Variants in MRM1 observed in about 807,000 individuals in gnomAD.
MRM1 encodes the protein rRNA methyltransferase 1, mitochondrial.
MRM1 carries 24 observed loss-of-function variants against 25.0 expected under a neutral mutation model. The ratio of observed to expected loss-of-function variants is 0.96; its 90% CI spans 0.69 to 1.35. MRM1 has a LOEUF of 1.35. Ranked by LOEUF, MRM1 falls within the 40% of genes most tolerant of loss-of-function variation. MRM1 has a pLI of 0.00. For synonymous variants in MRM1, 188 were observed against 199.2 expected, an observed-to-expected ratio of 0.94 and a Z score of 0.47; for missense variants, 431 against 464.1, an observed-to-expected ratio of 0.93 and a Z score of 0.65.
the MRM1 span, among the ~76,000 whole-genome samples, chr17:36,625,658 C>T: frequency 1.6e-4 from 25 of 151,894 alleles, no homozygotes; most frequent in South Asian, 1.2e-3. Context: ...GTTGGGGTTT[C>T]GCCATGTGGG....
Position 36,602,673 on chromosome 17 carries a change from C to T in MRM1, c.636+27C>T, listed in dbSNP as rs1208120339. ...TAATGAGGGGCAAGAGGGGAAGGAA[C>T]AGATGTGAGCCCAGCTCAGCCTCTT... On this transcript the variant is annotated intron_variant, in intron 2 of 4. Coordinates refer to ENST00000614766, the MANE Select transcript of MRM1 (RefSeq NM_024864.5). The surrounding 1 kb of genome is among the most constrained non-coding windows in gnomAD (Gnocchi z 4.1). 1.9e-6 allele frequency: 3 copies of T among 1,611,196 alleles called. No individual in the cohort carries two copies. Among genetic ancestry groups the T allele is most frequent in the African/African-American group, 1.3e-5 (1 of 74,886 alleles).
chr17:36,630,763 G>A, the MRM1 span, among the ~76,000 whole-genome samples: 1 of 152,160 alleles, frequency 6.6e-6, no homozygotes, highest in South Asian at 2.1e-4. Flanking sequence ...GTTAGGAGAT[G>A]GGCAGGGAAA....
the MRM1 span, among the ~76,000 whole-genome samples, chr17:36,614,031 C>T: frequency 7.9e-5 from 12 of 151,968 alleles, no homozygotes; most frequent in Non-Finnish European, 1.2e-4. Flanking sequence ...GCACAGTGCC[C>T]GGGACACAGT....
At chr17:36,631,253 CTGTTACCACGGGACCCTGT>C in the MRM1 span, among the ~76,000 whole-genome samples, 1 of 152,246 alleles carries the variant, frequency 6.6e-6, no homozygotes, top group African/African-American at 2.4e-5. Context: ...TCTGCCCTGC[CTGTTACCACGGGACCCTGT>C]TGTTAAACCA....
the MRM1 span, among the ~76,000 whole-genome samples, chr17:36,629,157 C>T: frequency 6.6e-6 from 1 of 152,166 alleles, no homozygotes; most frequent in African/African-American, 2.4e-5. Context: ...CAAAATAGTG[C>T]AAAGAGATTA....
At chr17:36,628,091 C>T in the MRM1 span, among the ~76,000 whole-genome samples, 1 of 152,222 alleles carries the variant, frequency 6.6e-6, no homozygotes, top group Non-Finnish European at 1.5e-5. Context: ...AATGCCCTCT[C>T]TCTAATCCCT....
chr17:36,603,244 A>G lies in MRM1; in HGVS notation c.636+598A>G, dbSNP rs1004155176. 1.0e-5 allele frequency: 10 copies of G among 984,456 alleles called. No homozygotes were observed. The African/African-American group carries it at 1.8e-4, about 17-fold the overall frequency. The allele number at this position is 984,456 out of a possible 1,614,324, so 61.0% of individuals were successfully genotyped here. On this transcript the variant is annotated intron_variant, in intron 2 of 4. Transcript: ENST00000614766. ...AGGGGGAGAGCTCTGGGACCTGTCT[A>G]GAACAACGCTGTCCAATAAAAATAT...
chr17:36,608,485 T>G lies in MRM1; in HGVS notation c.*70T>G. The G allele has an allele frequency of 9.1e-7, 1 of 1,102,380 alleles. No homozygotes were observed. The highest frequency in any genetic ancestry group is 1.2e-6 in the Non-Finnish European group (1 of 842,734). 68.3% of individuals were successfully genotyped at this position (1,102,380 alleles called of 1,614,324 possible). A position where few individuals can be genotyped will look rare whatever the true frequency, so the allele number is the denominator to read the frequency against. On this transcript the variant is annotated 3_prime_UTR_variant, in exon 5 of 5. Coordinates refer to ENST00000614766, the MANE Select transcript of MRM1 (RefSeq NM_024864.5). ...GCACCTGCCTCCGCCGGCTCCAGTG[T>G]GCGGGGAGCCTCTGCCTGAGTGTGC...
chr17:36,619,096 T>G, the MRM1 span, among the ~76,000 whole-genome samples: 1 of 152,220 alleles, frequency 6.6e-6, no homozygotes, highest in Non-Finnish European at 1.5e-5. Context: ...CTGTTCTGTT[T>G]CTATGAATTG....
Position 36,602,054 on chromosome 17 carries a change from C to T in MRM1, c.244C>T (p.Gln82Ter), listed in dbSNP as rs1179993596. The T allele has an allele frequency of 6.2e-7, 1 of 1,609,938 alleles. No homozygotes were observed. The highest frequency in any genetic ancestry group is 8.5e-7 in the Non-Finnish European group (1 of 1,179,008). Residue 82 changes from glutamine (Q) to a stop codon, truncating the protein, a stop_gained, in exon 1 of 5, where the codon CAG becomes TAG. Transcript: ENST00000614766. LOFTEE classifies it high-confidence loss of function. The surrounding 1 kb of genome is among the most constrained non-coding windows in gnomAD (Gnocchi z 4.1). ...GCTCCAGGCGGGTAAAGCTGGGCTG[C>T]AGGGGAAGCGGGCCGAGCTGCTCCG... ...LLLQAGKAGL[Q>*]GKRAELLRMA...
At position 36,608,754 on chromosome 17, in the gene MRM1, T is replaced by C; in HGVS notation, c.*339T>C. On this transcript the variant is annotated 3_prime_UTR_variant, in exon 5 of 5. Transcript: ENST00000614766. ...CAGCCCAGCCCAGGGGACCCGTTCC[T>C]CTTGAACCAGTCATTGCCTGTGGCA... 1 of 269,080 alleles carries C rather than the reference T, an allele frequency of 3.7e-6. No homozygotes were observed. Among genetic ancestry groups the C allele is most frequent in the Non-Finnish European group, 7.0e-6 (1 of 143,680 alleles). The allele number at this position is 269,080 out of a possible 1,614,324, so 16.7% of individuals were successfully genotyped here.
At chr17:36,609,127 C>A (rs1326584231), downstream of MRM1, among the ~76,000 whole-genome samples, 12 of 152,182 alleles carry the variant, frequency 7.9e-5, no homozygotes, top group Admixed American at 6.5e-4. Context: ...GGGCCCCCCA[C>A]GGGTGACTGA....
Position 36,602,827 on chromosome 17 carries a change from C to A in MRM1, c.636+181C>A. 1.3e-6 allele frequency: 1 copy of A among 757,650 alleles called. No homozygotes were observed. The highest frequency in any genetic ancestry group is 1.6e-6 in the Non-Finnish European group (1 of 622,302). The allele number at this position is 757,650 out of a possible 1,614,324, so 46.9% of individuals were successfully genotyped here. A position where few individuals can be genotyped will look rare whatever the true frequency, so the allele number is the denominator to read the frequency against. Reference sequence around the variant, plus strand: ...TTTAAAACGGCAAATGGAGCATTAGCTGAATTCTTCCTAGCGTTATACCCT... The same window carrying A: ...TTTAAAACGGCAAATGGAGCATTAGATGAATTCTTCCTAGCGTTATACCCT... On this transcript the variant is annotated intron_variant, in intron 2 of 4. Coordinates refer to ENST00000614766, the MANE Select transcript of MRM1 (RefSeq NM_024864.5). This position sits in a 1 kb window ranked among gnomAD's most constrained non-coding sequence, Gnocchi z 4.1.
chr17:36,616,917 G>C, the MRM1 span, among the ~76,000 whole-genome samples: 1 of 152,076 alleles, frequency 6.6e-6, no homozygotes, highest in Non-Finnish European at 1.5e-5. Flanking sequence ...GTTGAGATGG[G>C]ATCTCCCTAT....
In MRM1 at chr17:36,601,776, G is replaced by A; in HGVS notation, c.-35G>A. On this transcript the variant is annotated 5_prime_UTR_variant, in exon 1 of 5. Coordinates refer to ENST00000614766, the MANE Select transcript of MRM1 (RefSeq NM_024864.5). ...GCGGGTTACCGCTCCCGGGGACGCA[G>A]CAAGGGGCATCGAGTCCCTGGCGGG... 6.6e-7 allele frequency: 1 copy of A among 1,515,240 alleles called. No homozygotes were observed. Among genetic ancestry groups the A allele is most frequent in the Non-Finnish European group, 8.8e-7 (1 of 1,135,136 alleles). The allele number at this position is 1,515,240 out of a possible 1,614,324, so 93.9% of individuals were successfully genotyped here.
At chr17:36,625,391 G>C in the MRM1 span, among the ~76,000 whole-genome samples, 1 of 109,330 alleles carries the variant, frequency 9.1e-6, no homozygotes, top group African/African-American at 3.5e-5. Context: ...TTCGCTCTTC[G>C]TCTTCTTTCT....
At chr17:36,621,725 G>A in the MRM1 span, among the ~76,000 whole-genome samples, 3 of 152,182 alleles carry the variant, frequency 2.0e-5, no homozygotes, top group Non-Finnish European at 2.9e-5. Flanking sequence ...CTACGCCGGG[G>A]AAACAGGGGT....
At chr17:36,604,489 G>T (rs542451991) in intron 2 of MRM1, among the ~76,000 whole-genome samples, 39 of 152,086 alleles carry the variant, frequency 2.6e-4, no homozygotes, top group Non-Finnish European at 3.5e-4. Context: ...TTTAGTCCTC[G>T]GATCTCTTTT....
At chr17:36,610,296 G>A (rs1057323609), downstream of MRM1, among the ~76,000 whole-genome samples, 2 of 151,300 alleles carry the variant, frequency 1.3e-5, no homozygotes, top group Admixed American at 6.6e-5. Flanking sequence ...GCAGTGGCGC[G>A]ATCTCGGCTC....
Sources: gnomAD v4.1 joint callset for allele counts (sites outside exome capture counted in the v4.1 genomes callset) on GRCh38, gnomAD v4.1.1 for gene constraint, Gnocchi (gnomAD v3.1) non-coding constraint, MANE v1.5 for transcripts, NCBI Gene and HGNC (gene_info 2026-07-23, HGNC 2026-07-21) for gene names.